The following MGAT5 variants were observed in gnomAD, a reference collection of about 807,000 sequenced individuals.
MGAT5 encodes the protein alpha-1,6-mannosylglycoprotein 6-beta-N-acetylglucosaminyltransferase A.
A neutral mutation model predicts 94.3 loss-of-function variants in MGAT5; 30 were observed. The observed-to-expected ratio is 0.32, with a 90% CI of 0.24 to 0.43. The LOEUF (loss-of-function observed/expected upper bound fraction) is 0.43, where lower values mean the gene tolerates loss of function less well. MGAT5 is among the 20% of genes least tolerant of loss of function. The pLI is 1.00. For synonymous variants in MGAT5, 310 were observed against 322.9 expected (o/e 0.96, Z 0.43); for missense variants, 691 against 905.5 (o/e 0.76, Z 3.04).
chr2:134,179,215 C>T (rs1688617425), intron 1 of MGAT5, among the ~76,000 whole-genome samples: 1 of 151,498 alleles, frequency 6.6e-6, no homozygotes. Flanking sequence ...CTTAAAATGG[C>T]CCCCAAGCAT....
intron 3 of MGAT5, 56 bp from the exon 4 acceptor site, chr2:134,318,594 C>T: frequency 3.9e-6 from 5 of 1,283,198 alleles, no homozygotes; most frequent in East Asian, 2.3e-5. Flanking sequence ...CCTTCCCTGT[C>T]AGCAGATGTG....
intron 14 of MGAT5, among the ~76,000 whole-genome samples, chr2:134,432,317 C>T (rs1036483859): frequency 1.3e-5 from 2 of 152,158 alleles, no homozygotes; most frequent in Non-Finnish European, 2.9e-5. Flanking sequence ...TGTGATTCAT[C>T]TGAGAAGCAT....
chr2:134,337,230 T>C (rs1688384636), intron 5 of MGAT5, among the ~76,000 whole-genome samples: 1 of 152,274 alleles, frequency 6.6e-6, no homozygotes, highest in South Asian at 2.1e-4. Context: ...ATTTCAGCAC[T>C]TTAGGAGGCT....
At chr2:134,441,981 A>G (rs995892551) in intron 15 of MGAT5, 66 bp downstream of exon 15, 2 of 1,559,198 alleles carry the variant, frequency 1.3e-6, no homozygotes, top group Admixed American at 1.7e-5. Flanking sequence ...TTGGGTAGTC[A>G]GGTGAGAGGT....
At chr2:134,147,486 C>T (rs1383611170) in intron 1 of MGAT5, among the ~76,000 whole-genome samples, 5 of 151,214 alleles carry the variant, frequency 3.3e-5, no homozygotes, top group Admixed American at 3.3e-4. Context: ...AAACACAGAT[C>T]TTTTCACATG....
chr2:134,448,516 C>A, intron 15 of MGAT5, 133 bp from the exon 16 acceptor site: 1 of 813,140 alleles, frequency 1.2e-6, no homozygotes, highest in South Asian at 1.5e-5. Context: ...GGGTGGGCAC[C>A]ATTTCATTTC....
At chr2:134,326,038 T>TTC (rs61556184) in intron 4 of MGAT5, among the ~76,000 whole-genome samples, 19,546 of 135,502 alleles carry the variant, frequency 0.14, 1,464 homozygotes, top group Middle Eastern at 0.35. Context: ...TGATTTCTCT[T>TTC]TCTCTCTCTC....
intron 1 of MGAT5, among the ~76,000 whole-genome samples, chr2:134,169,305 C>T (rs985852586): frequency 1.3e-5 from 2 of 151,620 alleles, no homozygotes; most frequent in Non-Finnish European, 1.5e-5. Flanking sequence ...TTTGGGAGGC[C>T]GAGGCAGGAG....
intron 1 of MGAT5, among the ~76,000 whole-genome samples, chr2:134,264,529 G>T (rs564095920): frequency 2.6e-5 from 4 of 151,984 alleles, no homozygotes; most frequent in Admixed American, 2.6e-4. Context: ...TTTTTATTTT[G>T]TGTTTGGGTA....
At chr2:134,152,678 G>A (rs936005733) in intron 1 of MGAT5, among the ~76,000 whole-genome samples, 1 of 152,182 alleles carries the variant, frequency 6.6e-6, no homozygotes, top group African/African-American at 2.4e-5. Flanking sequence ...ACTAATGAAC[G>A]TGGTAACTAT....
At chr2:134,151,539 C>T (rs1291629740) in intron 1 of MGAT5, among the ~76,000 whole-genome samples, 1 of 145,310 alleles carries the variant, frequency 6.9e-6, no homozygotes, top group Non-Finnish European at 1.5e-5. Context: ...GGACCTCACT[C>T]ACTCATGCCC....
chr2:134,296,209 G>A (rs1685664958), intron 2 of MGAT5, among the ~76,000 whole-genome samples: 1 of 152,134 alleles, frequency 6.6e-6, no homozygotes, highest in East Asian at 1.9e-4. Context: ...CTGTGTCAGA[G>A]AATTGGGGAT....
chr2:134,300,312 A>T (rs1685938092), intron 2 of MGAT5, among the ~76,000 whole-genome samples: 1 of 152,142 alleles, frequency 6.6e-6, no homozygotes, highest in South Asian at 2.1e-4. Flanking sequence ...CATGTTGTAA[A>T]TCTGAAGTCG....
chr2:134,371,071 T>G (rs1680765546), intron 10 of MGAT5, among the ~76,000 whole-genome samples: 1 of 152,248 alleles, frequency 6.6e-6, no homozygotes, highest in Non-Finnish European at 1.5e-5. Context: ...GAGGTTTCCT[T>G]GTCACACATT....
rs1358266412 is a variant in MGAT5 at position 134,254,226 on chromosome 2, C to T, written c.-178C>T. On this transcript the variant is annotated 5_prime_UTR_variant, in exon 1 of 16. Transcript: ENST00000281923. ...TCTGGTTTATTTTGCTGTATTGTGC[C>T]ATGACCACTTGGCTAATTCTTCTCC... 4.4e-6 allele frequency: 3 copies of T among 679,138 alleles called. No homozygotes were observed. In the East Asian group the frequency reaches 8.1e-5, roughly 18 times the overall value. 42.1% of individuals were successfully genotyped at this position (679,138 alleles called of 1,614,324 possible).
chr2:134,217,800 G>C (rs1680572799), intron 1 of MGAT5, among the ~76,000 whole-genome samples: 1 of 152,178 alleles, frequency 6.6e-6, no homozygotes, highest in Non-Finnish European at 1.5e-5. Context: ...AGTTCCACCA[G>C]ATGAGTCCCT....
chr2:134,412,985 C>G lies in MGAT5; in HGVS notation c.1647C>G (p.Asp549Glu). The stretch of plus-strand genomic sequence containing the variant: ...CACCCAAAAGCAGCAAAAACACAGA[C>G]TTTTTCATTGGCAAGCCAACTCTGA... ...FNPPKSSKNT[D>E]FFIGKPTLRE... Residue 549 changes from aspartate (D) to glutamate (E), a missense_variant, in exon 12 of 16, where the codon GAC becomes GAG. Coordinates refer to ENST00000281923, the MANE Select transcript of MGAT5 (RefSeq NM_002410.5). 1 of 1,614,116 alleles carries G rather than the reference C, an allele frequency of 6.2e-7. No individual in the cohort carries two copies.
At chr2:134,291,804 A>G (rs955881285) in intron 2 of MGAT5, among the ~76,000 whole-genome samples, 5 of 152,154 alleles carry the variant, frequency 3.3e-5, no homozygotes, top group Non-Finnish European at 7.3e-5. Context: ...AGTTTTCCCT[A>G]GAAGCTTTTA....
chr2:134,199,613 G>A (rs1182938473), intron 1 of MGAT5, among the ~76,000 whole-genome samples: 1 of 151,770 alleles, frequency 6.6e-6, no homozygotes, highest in Non-Finnish European at 1.5e-5. Context: ...TTGTTCTATC[G>A]GCTGCTCCAA....
Sources: gnomAD v4.1 joint callset for allele counts (sites outside exome capture counted in the v4.1 genomes callset) on GRCh38, gnomAD v4.1.1 for gene constraint, MANE v1.5 for transcripts, NCBI Gene and HGNC (gene_info 2026-07-23, HGNC 2026-07-21) for gene names.